Variants in NEK1 observed in about 807,000 individuals in gnomAD.
NEK1 encodes NIMA related kinase 1, also known as serine/threonine-protein kinase Nek1.
A neutral mutation model predicts 182.1 loss-of-function variants in NEK1; 137 were observed. The observed-to-expected ratio is 0.75, with a 90% CI of 0.65 to 0.87. NEK1 has a LOEUF of 0.87. Ranked by LOEUF, NEK1 falls within the 40% of genes least tolerant of loss-of-function variation. NEK1 has a pLI of 0.00. For synonymous variants in NEK1, 513 were observed against 492.2 expected, an observed-to-expected ratio of 1.04 and a Z score of -0.56; for missense variants, 1,391 against 1,494.4, an observed-to-expected ratio of 0.93 and a Z score of 1.14.
intron 18 of NEK1, among the ~76,000 whole-genome samples, chr4:169,540,131 T>G (rs1759171822): frequency 6.6e-6 from 1 of 152,124 alleles, no homozygotes; most frequent in African/African-American, 2.4e-5. Context: ...ACTGGCTACT[T>G]TCAAACACAA....
chr4:169,533,124 A>C (rs1038030966), intron 19 of NEK1, among the ~76,000 whole-genome samples: 7 of 152,256 alleles, frequency 4.6e-5, no homozygotes, highest in African/African-American at 1.7e-4. Flanking sequence ...TCAACCCTGC[A>C]TAATTCCCAG....
At chr4:169,589,404 G>T in intron 7 of NEK1, 43 bp downstream of exon 7, 1 of 1,102,406 alleles carries the variant, frequency 9.1e-7, no homozygotes, top group Non-Finnish European at 1.3e-6. Flanking sequence ...TTGAAGGTTC[G>T]CTGAAAACAT....
At chr4:169,467,339 A>G (rs1322904633) in intron 26 of NEK1, among the ~76,000 whole-genome samples, 1 of 152,100 alleles carries the variant, frequency 6.6e-6, no homozygotes, top group African/African-American at 2.4e-5. Context: ...GGTCAACTGT[A>G]TATTATTGTA....
intron 19 of NEK1, among the ~76,000 whole-genome samples, chr4:169,514,449 T>C (rs1388659215): frequency 6.6e-6 from 1 of 152,226 alleles, no homozygotes; most frequent in Non-Finnish European, 1.5e-5. Context: ...ATCAAATTGG[T>C]GTTAATTCTT....
At chr4:169,400,090 A>T (rs763540772) in intron 35 of NEK1, 135 bp downstream of exon 35, 4 of 876,810 alleles carry the variant, frequency 4.6e-6, no homozygotes, top group South Asian at 4.4e-5. Context: ...AGTTAATTTT[A>T]TTATTGCTTA....
In NEK1 at chr4:169,472,085, GT is replaced by G. The variant is rs200137198; in HGVS notation, c.2434+5038del. ...GGATCCGCTGAGCAATACCACTCGG[GT>G]CCCTGGCTTCAGCTCCCTTTCCAGA... On this transcript the variant is annotated intron_variant, in intron 26 of 35. Transcript: ENST00000507142. Among the ~76,000 whole-genome samples the G allele has an allele frequency of 1.8e-3, 275 of 152,084 alleles. 7 individuals carry two copies. In the East Asian group the frequency reaches 0.047, roughly 26 times the overall value.
intron 23 of NEK1, among the ~76,000 whole-genome samples, chr4:169,490,557 G>A (rs72973095): frequency 0.19 from 29,405 of 151,884 alleles, 4,274 homozygotes; most frequent in African/African-American, 0.41. Context: ...TATACAAGAG[G>A]ATAGACAATT....
intron 30 of NEK1, 107 bp downstream of exon 30, chr4:169,426,039 T>C (rs2111353632): frequency 2.6e-6 from 2 of 768,900 alleles, no homozygotes; most frequent in East Asian, 2.7e-5. Context: ...TTGAGATGAC[T>C]GATAAGGAAT....
intron 2 of NEK1, among the ~76,000 whole-genome samples, chr4:169,611,685 T>C (rs940112073): frequency 2.0e-5 from 3 of 152,226 alleles, no homozygotes; most frequent in Non-Finnish European, 4.4e-5. Flanking sequence ...GGTAACCAGC[T>C]AACTACTACT....
chr4:169,499,009 TG>T lies in NEK1; in HGVS notation c.2007+8027del, dbSNP rs1159664417. On this transcript the variant is annotated intron_variant, in intron 23 of 35. Transcript: ENST00000507142. ...ATATACTGCAGAGTGTTTTCCAACT[TG>T]GTTCCATTCTCCCCATCACTTTCAG... Among the ~76,000 whole-genome samples, 4 of 152,236 alleles carry T rather than the reference TG, an allele frequency of 2.6e-5. No individual in the cohort carries two copies. The East Asian group carries it at 7.7e-4, about 29-fold the overall frequency.
At chr4:169,501,375 A>T (rs888005772) in intron 23 of NEK1, among the ~76,000 whole-genome samples, 1 of 151,842 alleles carries the variant, frequency 6.6e-6, no homozygotes, top group Non-Finnish European at 1.5e-5. Flanking sequence ...TTCTAGACTT[A>T]AATTGGACAC....
chr4:169,513,278 T>C (rs559203838), intron 19 of NEK1, among the ~76,000 whole-genome samples: 47 of 152,314 alleles, frequency 3.1e-4, no homozygotes, highest in African/African-American at 1.1e-3. Flanking sequence ...CATTTTGTCA[T>C]TTAATTGCAT....
At chr4:169,574,987 G>A (rs1561444480) in intron 12 of NEK1, among the ~76,000 whole-genome samples, 1 of 152,100 alleles carries the variant, frequency 6.6e-6, no homozygotes, top group African/African-American at 2.4e-5. Flanking sequence ...AAAAGTAATG[G>A]CGGTTTTGCT....
At chr4:169,555,453 G>T in intron 18 of NEK1, 2 of 382,306 alleles carry the variant, frequency 5.2e-6, no homozygotes, top group Non-Finnish European at 4.8e-6. Flanking sequence ...AATTATGTTG[G>T]CAGAATGTTA....
chr4:169,565,153 G>A (rs1763481242), intron 12 of NEK1, among the ~76,000 whole-genome samples: 1 of 152,172 alleles, frequency 6.6e-6, no homozygotes, highest in South Asian at 2.1e-4. Context: ...TAGAGTTGAT[G>A]AGATAAAAAC....
intron 12 of NEK1, among the ~76,000 whole-genome samples, chr4:169,576,113 C>T (rs560753551): frequency 1.4e-4 from 21 of 151,864 alleles, no homozygotes; most frequent in Non-Finnish European, 2.5e-4. Flanking sequence ...TATAGGTGTG[C>T]GCCACCACAC....
chr4:169,515,635 A>T (rs1755088340), intron 19 of NEK1, among the ~76,000 whole-genome samples: 1 of 107,006 alleles, frequency 9.3e-6, no homozygotes, highest in Non-Finnish European at 1.9e-5. Context: ...TATATCTCCC[A>T]ATGCTATCCC....
chr4:169,536,080 A>G (rs534223909), intron 19 of NEK1, among the ~76,000 whole-genome samples: 90 of 151,886 alleles, frequency 5.9e-4, no homozygotes, highest in African/African-American at 2.1e-3. Context: ...GGATCACCTG[A>G]GGTCTGGAGT....
chr4:169,525,137 T>A (rs1336654597), intron 19 of NEK1, among the ~76,000 whole-genome samples: 1 of 152,170 alleles, frequency 6.6e-6, no homozygotes. Flanking sequence ...TATTTTTATT[T>A]TATTTTGTTG....
Sources: allele counts gnomAD v4.1 joint callset (sites outside exome capture counted in the v4.1 genomes callset), GRCh38; gene constraint gnomAD v4.1.1; transcripts MANE v1.5; gene names NCBI Gene and HGNC (gene_info 2026-07-23, HGNC 2026-07-21).